BICDL1: variants seen among roughly 807,000 people sequenced by gnomAD.
BICDL1 encodes the protein BICD family-like cargo adapter 1.
BICDL1 carries 20 observed loss-of-function variants against 76.8 expected under a neutral mutation model. That is an observed-to-expected ratio of 0.26 (90% CI 0.18 to 0.38). BICDL1 has a LOEUF of 0.38. BICDL1 is among the 10% of genes least tolerant of loss of function. The probability of loss-of-function intolerance (pLI) is 1.00; values close to 1 mark genes in which losing one functional copy is unlikely to be tolerated. For synonymous variants in BICDL1, 383 were observed against 337.1 expected (o/e 1.14, Z -1.49); for missense variants, 700 against 798.6 (o/e 0.88, Z 1.49).
chr12:120,027,027 C>CT (rs10606114), intron 2 of BICDL1, among the ~76,000 whole-genome samples: 4,824 of 118,000 alleles, frequency 0.041, 178 homozygotes, highest in African/African-American at 0.082. Context: ...GATGTAATTT[C>CT]TTTTTTTTTT....
At chr12:120,035,312 G>C (rs1952510577) in intron 2 of BICDL1, among the ~76,000 whole-genome samples, 1 of 152,184 alleles carries the variant, frequency 6.6e-6, no homozygotes, top group Non-Finnish European at 1.5e-5. Flanking sequence ...TTCCAGCCTA[G>C]GTAACAGAGT....
intron 2 of BICDL1, among the ~76,000 whole-genome samples, chr12:120,021,339 C>A (rs1032427806): frequency 2.0e-5 from 3 of 151,502 alleles, no homozygotes; most frequent in Non-Finnish European, 4.4e-5. Context: ...GTAATCCCAG[C>A]ACTTTGGGAG....
chr12:119,994,272 AG>A (rs1951590031), intron 1 of BICDL1, among the ~76,000 whole-genome samples: 2 of 152,282 alleles, frequency 1.3e-5, no homozygotes, highest in African/African-American at 4.8e-5. Flanking sequence ...GGGAGTCACT[AG>A]TGGATTTAGG....
chr12:120,038,574 G>C (rs962332944), intron 2 of BICDL1, among the ~76,000 whole-genome samples: 1 of 151,772 alleles, frequency 6.6e-6, no homozygotes, highest in Non-Finnish European at 1.5e-5. Context: ...TTCATTGTTG[G>C]TTTTCTTTAA....
chr12:120,007,014 T>A (rs951892276), intron 2 of BICDL1, among the ~76,000 whole-genome samples: 1 of 152,090 alleles, frequency 6.6e-6, no homozygotes, highest in Non-Finnish European at 1.5e-5. Context: ...TTAGGTTGGA[T>A]ATATGTTTTG....
rs1427844838 is a variant in BICDL1, at chr12:119,989,585, C to A, written c.-284C>A. On this transcript the variant is annotated 5_prime_UTR_variant, in exon 1 of 10. Transcript: ENST00000548673. ...TCTCTGTTCCTGAGTCCTCCCTTCC[C>A]CAGCCTTCCCGTTCCCACCACCTAC... Among the ~76,000 whole-genome samples the A allele has an allele frequency of 6.6e-6, 1 of 150,428 alleles. No homozygotes were observed. Among genetic ancestry groups the A allele is most frequent in the Admixed American group, 6.6e-5 (1 of 15,148 alleles).
chr12:120,082,849 G>A (rs771900972), intron 8 of BICDL1, among the ~76,000 whole-genome samples: 4 of 151,420 alleles, frequency 2.6e-5, no homozygotes, highest in African/African-American at 7.3e-5. Context: ...GATTATAGGC[G>A]TGAGCTACTG....
In BICDL1 at chr12:120,093,943, GGGGTCTC is replaced by G. The variant is rs1875201539; in HGVS notation, c.*783_*789del. 3.1e-6 allele frequency: 1 copy of G among 317,928 alleles called. No homozygotes were observed. Among genetic ancestry groups the G allele is most frequent in the Non-Finnish European group, 6.3e-6 (1 of 158,842 alleles). 19.7% of individuals were successfully genotyped at this position (317,928 alleles called of 1,614,324 possible). Reference sequence around the variant, plus strand: ...CCCCTGCTCAGGGCTGGGGTTGGACGGGGTCTCCTCCTCCCACAGCTCCCTCCTCCAC... The same window carrying G: ...CCCCTGCTCAGGGCTGGGGTTGGACGCTCCTCCCACAGCTCCCTCCTCCAC... On this transcript the variant is annotated 3_prime_UTR_variant, in exon 10 of 10. Transcript: ENST00000548673.
chr12:120,090,738 C>T (rs1158190553), intron 9 of BICDL1: 4 of 424,396 alleles, frequency 9.4e-6, no homozygotes, highest in Non-Finnish European at 8.7e-6. Context: ...AAGGTAAGCC[C>T]CCCGTGGAGG....
In BICDL1 at chr12:120,069,528, A is replaced by G. The variant is rs554358364; in HGVS notation, c.910-2094A>G. 2.0e-5 allele frequency among the ~76,000 whole-genome samples: 3 copies of G among 152,310 alleles called. No homozygotes were observed. The South Asian group carries it at 6.2e-4, about 32-fold the overall frequency. On this transcript the variant is annotated intron_variant, in intron 4 of 9. Coordinates refer to ENST00000548673, the MANE Select transcript of BICDL1 (RefSeq NM_001367886.1). The stretch of plus-strand genomic sequence containing the variant: ...GCTTCACAAGGGTTTTCGGAAAGTC[A>G]CTTTTCACCTGTGACTCAACTACCT...
At chr12:119,991,096 GGCCTTGAAT>G (rs982953092) in intron 1 of BICDL1, among the ~76,000 whole-genome samples, 56 of 152,244 alleles carry the variant, frequency 3.7e-4, no homozygotes, top group Middle Eastern at 3.4e-3. Flanking sequence ...ACTAGAAAAG[GGCCTTGAAT>G]GCAGTACAGA....
At chr12:120,005,518 C>A (rs1023674798) in intron 2 of BICDL1, among the ~76,000 whole-genome samples, 5 of 152,022 alleles carry the variant, frequency 3.3e-5, no homozygotes, top group African/African-American at 1.2e-4. Context: ...GAATTACAGG[C>A]GAGTGCCACC....
chr12:119,996,702 A>G (rs1025810602), intron 1 of BICDL1, among the ~76,000 whole-genome samples: 9 of 151,984 alleles, frequency 5.9e-5, no homozygotes. Context: ...ACACACACAC[A>G]CGCATAGATG....
chr12:120,019,066 A>T (rs928289792), intron 2 of BICDL1: 1 of 148,780 alleles, frequency 6.7e-6, no homozygotes, highest in African/African-American at 2.6e-5. Context: ...AAAAAAAAAA[A>T]GTCTGTGTCT....
intron 8 of BICDL1, among the ~76,000 whole-genome samples, chr12:120,081,446 G>A (rs1476715707): frequency 1.3e-5 from 2 of 150,820 alleles, no homozygotes; most frequent in East Asian, 3.9e-4. Flanking sequence ...CTGCCTCTGG[G>A]TTTAAGCGAT....
intron 9 of BICDL1, chr12:120,091,013 C>CT: frequency 1.6e-6 from 2 of 1,289,124 alleles, no homozygotes; most frequent in Non-Finnish European, 2.0e-6. Flanking sequence ...CCCCTCCTGC[C>CT]TTTGAGGTGA....
intron 2 of BICDL1, among the ~76,000 whole-genome samples, chr12:120,045,942 A>ATAATAATAAT (rs1952742330): frequency 6.6e-6 from 1 of 152,028 alleles, no homozygotes; most frequent in East Asian, 1.9e-4. Flanking sequence ...AATAAAAAGA[A>ATAATAATAAT]AGTATAAACA....
chr12:120,089,014 A>T (rs1301580922), intron 8 of BICDL1, among the ~76,000 whole-genome samples: 1 of 152,168 alleles, frequency 6.6e-6, no homozygotes, highest in Non-Finnish European at 1.5e-5. Flanking sequence ...ATTCATGACC[A>T]CTTGGCTACT....
At chr12:120,089,376 G>A (rs904330476) in intron 8 of BICDL1, among the ~76,000 whole-genome samples, 34 of 147,872 alleles carry the variant, frequency 2.3e-4, no homozygotes, top group Admixed American at 6.7e-5. Context: ...CTCTTTCAAC[G>A]TGTGTGTGTG....
Sources: allele counts gnomAD v4.1 joint callset (sites outside exome capture counted in the v4.1 genomes callset), GRCh38; gene constraint gnomAD v4.1.1; transcripts MANE v1.5; gene names NCBI Gene and HGNC (gene_info 2026-07-23, HGNC 2026-07-21).